GNB1: variants seen among roughly 807,000 people sequenced by gnomAD.
GNB1 encodes the protein G protein subunit beta 1, also known as guanine nucleotide-binding protein G(I)/G(S)/G(T) subunit beta-1.
A neutral mutation model predicts 42.9 loss-of-function variants in GNB1; 2 were observed. That is an observed-to-expected ratio of 0.05 (90% CI 0.02 to 0.15). The LOEUF is 0.15. Among genes scored for constraint, GNB1 ranks in the 10% least tolerant of loss-of-function variants. The pLI, the probability that GNB1 is intolerant of heterozygous loss-of-function variation, is 1.00. For synonymous variants in GNB1, 183 were observed against 174.7 expected, an observed-to-expected ratio of 1.05 and a Z score of -0.38; for missense variants, 193 against 462.2, an observed-to-expected ratio of 0.42 and a Z score of 5.34.
chr1:1,876,514 A>AGAGAGAGAGAGAGAGAGC (rs1491127351), intron 1 of GNB1, among the ~76,000 whole-genome samples: 19 of 149,972 alleles, frequency 1.3e-4, no homozygotes, highest in African/African-American at 4.8e-4. Flanking sequence ...AGAGAGAGAG[A>AGAGAGAGAGAGAGAGAGC]GCGAGCGTGC....
intron 7 of GNB1, among the ~76,000 whole-genome samples, chr1:1,795,211 C>A (rs1397357171): frequency 2.0e-5 from 3 of 152,136 alleles, no homozygotes; most frequent in Non-Finnish European, 4.4e-5. Context: ...GCTGTCGTGC[C>A]CCGCAGCTCA....
At chr1:1,864,240 T>C (rs1570733473) in intron 1 of GNB1, among the ~76,000 whole-genome samples, 1 of 131,764 alleles carries the variant, frequency 7.6e-6, no homozygotes, top group East Asian at 2.3e-4. Flanking sequence ...GAGAGTTGCT[T>C]GGGAGGCGGA....
At chr1:1,841,291 C>G (rs1397234917) in intron 1 of GNB1, among the ~76,000 whole-genome samples, 1 of 151,450 alleles carries the variant, frequency 6.6e-6, no homozygotes, top group African/African-American at 2.4e-5. Context: ...CAGGTTCCAG[C>G]GATTTTCCTG....
intron 1 of GNB1, among the ~76,000 whole-genome samples, chr1:1,865,207 A>G (rs1211633082): frequency 2.0e-5 from 3 of 149,502 alleles, no homozygotes; most frequent in Non-Finnish European, 1.5e-5. Context: ...GGTGGCAGTG[A>G]GCAGAGATCA....
intron 1 of GNB1, among the ~76,000 whole-genome samples, chr1:1,848,404 G>C (rs947583828): frequency 6.8e-6 from 1 of 147,756 alleles, no homozygotes; most frequent in African/African-American, 2.5e-5. Flanking sequence ...GAAAAAGAAA[G>C]AAGTCAGAAA....
chr1:1,855,814 G>C (rs1446503755), intron 1 of GNB1, among the ~76,000 whole-genome samples: 1 of 152,226 alleles, frequency 6.6e-6, no homozygotes, highest in Admixed American at 6.5e-5. Flanking sequence ...CCTGGTGTTT[G>C]CTTCTTTGGC....
At chr1:1,890,474 C>G (rs1410135167) in intron 1 of GNB1, 7 of 149,154 alleles carry the variant, frequency 4.7e-5, no homozygotes, top group Non-Finnish European at 7.5e-5. Flanking sequence ...CGGCTCCCCA[C>G]GCAGGGCCCG....
chr1:1,828,376 G>C (rs576977307), intron 2 of GNB1, among the ~76,000 whole-genome samples: 4 of 152,126 alleles, frequency 2.6e-5, no homozygotes, highest in African/African-American at 9.6e-5. Context: ...GTGTGTAAAG[G>C]CCCAAATTCC....
chr1:1,889,274 C>T (rs1273410236), intron 1 of GNB1, among the ~76,000 whole-genome samples: 1 of 152,106 alleles, frequency 6.6e-6, no homozygotes, highest in African/African-American at 2.4e-5. Context: ...ATAATCTCAC[C>T]AGCAACTGCT....
chr1:1,807,742 C>G (rs1275099530), intron 5 of GNB1, among the ~76,000 whole-genome samples: 1 of 151,408 alleles, frequency 6.6e-6, no homozygotes, highest in African/African-American at 2.4e-5. Context: ...GAGTCTCGCT[C>G]CGTGGCCCAG....
intron 1 of GNB1, among the ~76,000 whole-genome samples, chr1:1,857,197 T>A (rs1364740370): frequency 1.4e-4 from 22 of 152,132 alleles, no homozygotes; most frequent in Non-Finnish European, 2.9e-5. Flanking sequence ...TAGCCAAGGT[T>A]CTCACTGGGA....
intron 3 of GNB1, among the ~76,000 whole-genome samples, chr1:1,820,168 C>T (rs1422464443): frequency 6.6e-6 from 1 of 151,850 alleles, no homozygotes; most frequent in Admixed American, 6.6e-5. Context: ...ACAAGCCTGG[C>T]CAACATGGTG....
At chr1:1,791,364 G>A (rs1186845080) in intron 8 of GNB1, among the ~76,000 whole-genome samples, 2 of 151,914 alleles carry the variant, frequency 1.3e-5, no homozygotes, top group African/African-American at 2.4e-5. Flanking sequence ...TAGTAGAGAC[G>A]GGGTTTCTCC....
intron 6 of GNB1, among the ~76,000 whole-genome samples, chr1:1,804,822 C>G (rs1169473075): frequency 6.6e-6 from 1 of 152,208 alleles, no homozygotes; most frequent in East Asian, 1.9e-4. Context: ...GAAGTCACAA[C>G]TTATGATTAG....
At position 1,786,564 on chromosome 1, in the gene GNB1, A is replaced by G. The variant is rs368052695; in HGVS notation, c.*499T>C. On this transcript the variant is annotated 3_prime_UTR_variant, in exon 12 of 12. Coordinates refer to ENST00000378609, the MANE Select transcript of GNB1 (RefSeq NM_002074.5). ...GATTAACTGTTGAACACAAAGGAATACATTTTAAAAAGGAAATATGAATGC... is the reference window on the plus strand; with the variant it reads ...GATTAACTGTTGAACACAAAGGAATGCATTTTAAAAAGGAAATATGAATGC... 8.5e-5 allele frequency: 13 copies of G among 153,550 alleles called. No individual in the cohort carries two copies. Among genetic ancestry groups the G allele is most frequent in the East Asian group, 5.7e-4 (3 of 5,266 alleles). 9.5% of individuals were successfully genotyped at this position (153,550 alleles called of 1,614,324 possible). A position where few individuals can be genotyped will look rare whatever the true frequency, so the allele number is the denominator to read the frequency against.
rs552996463 is a variant in GNB1, at chr1:1,818,663, G to C, written c.58-788C>G. On this transcript the variant is annotated intron_variant, in intron 3 of 11. Transcript: ENST00000378609. ...GGATCACCTGAGGTCAGGAGTTCAA[G>C]ACCAGCCTGGCCAACATGGTGAAAC... Among the ~76,000 whole-genome samples, 1,252 of 152,254 alleles carry C rather than the reference G, an allele frequency of 8.2e-3. 21 individuals carry two copies. The highest frequency in any genetic ancestry group is 0.029 in the African/African-American group (1,215 of 41,552).
intron 7 of GNB1, among the ~76,000 whole-genome samples, chr1:1,803,968 TGA>T (rs1557889177): frequency 1.1e-5 from 1 of 94,462 alleles, no homozygotes; most frequent in Admixed American, 1.5e-4. Flanking sequence ...GGTGACATAG[TGA>T]GACTCTGTCT....
intron 1 of GNB1, among the ~76,000 whole-genome samples, chr1:1,853,702 AC>A (rs1648110881): frequency 6.6e-6 from 1 of 152,146 alleles, no homozygotes; most frequent in Non-Finnish European, 1.5e-5. Context: ...AATAATAGAA[AC>A]TATGTCTTCA....
chr1:1,885,459 C>G (rs184956692), intron 1 of GNB1, among the ~76,000 whole-genome samples: 165 of 150,824 alleles, frequency 1.1e-3, no homozygotes, highest in Middle Eastern at 0.01. Context: ...TAATCTTAAT[C>G]TGGTCTTTTA....
Sources: gnomAD v4.1 joint callset for allele counts (sites outside exome capture counted in the v4.1 genomes callset) on GRCh38, gnomAD v4.1.1 for gene constraint, MANE v1.5 for transcripts, NCBI Gene and HGNC (gene_info 2026-07-23, HGNC 2026-07-21) for gene names.